ABCD4: variants seen among roughly 807,000 people sequenced by gnomAD.
The protein encoded by ABCD4 is ATP binding cassette subfamily D member 4, also known as lysosomal cobalamin transporter ABCD4.
Under a neutral mutation model 86.3 loss-of-function variants are expected in ABCD4, and 53 were observed. That is an observed-to-expected ratio of 0.61 (90% CI 0.49 to 0.77). The LOEUF is 0.77. ABCD4 is among the 30% of genes least tolerant of loss of function. ABCD4 has a pLI of 0.00. For missense variants in ABCD4, 757 were observed against 764.5 expected, an observed-to-expected ratio of 0.99 and a Z score of 0.12; for synonymous variants, 328 against 313.6, an observed-to-expected ratio of 1.05 and a Z score of -0.49.
chr14:74,292,676 G>C (rs752752998), intron 9 of ABCD4, 34 bp from the exon 10 acceptor site: 1 of 1,613,830 alleles, frequency 6.2e-7, no homozygotes, highest in Admixed American at 1.7e-5. Context: ...AGCAGGTCTC[G>C]ACTCGAGCCC....
rs2082862756 is a variant in ABCD4 at position 74,296,333 on chromosome 14, C to T, written c.542G>A (p.Ser181Asn). Residue 181 changes from serine (S) to asparagine (N), a missense_variant and splice_region_variant, in exon 5 of 19, where the codon AGC becomes AAC. Coordinates refer to ENST00000356924, the MANE Select transcript of ABCD4 (RefSeq NM_005050.4). ...AGGCTGGGGAGGAGGGAGGCTTCACCTTTGGAAGCACTGGTAAGTGTAGTA... is the reference window on the plus strand; with the variant it reads ...AGGCTGGGGAGGAGGGAGGCTTCACTTTTGGAAGCACTGGTAAGTGTAGTA... ...LVYYTYQCFQ[S>N]TGWLGPVSIF... 1 of 1,613,876 alleles carries T rather than the reference C, an allele frequency of 6.2e-7. No homozygotes were observed. Among genetic ancestry groups the T allele is most frequent in the Non-Finnish European group, 8.5e-7 (1 of 1,179,790 alleles).
At chr14:74,302,008 T>C (rs915251795) in intron 1 of ABCD4, among the ~76,000 whole-genome samples, 1 of 147,750 alleles carries the variant, frequency 6.8e-6, no homozygotes, top group African/African-American at 2.5e-5. Context: ...GATGGAGGGA[T>C]ACCGGGAAAC....
In ABCD4 at chr14:74,295,214, G is replaced by A. The variant is rs763392318; in HGVS notation, c.669-16C>T. 6.2e-7 allele frequency: 1 copy of A among 1,614,188 alleles called. No homozygotes were observed. The highest frequency in any genetic ancestry group is 1.7e-5 in the Admixed American group (1 of 60,028). On this transcript the variant is annotated splice_polypyrimidine_tract_variant and intron_variant, in intron 6 of 18. Coordinates refer to ENST00000356924, the MANE Select transcript of ABCD4 (RefSeq NM_005050.4). The stretch of plus-strand genomic sequence containing the variant: ...GTGCTTGAACCTGGGCGGACCAAAG[G>A]GAAATGTGTGCTGACAACAGGGAGT...
Position 74,301,306 on chromosome 14 carries a change from T to TGA in ABCD4, c.39-1039_39-1038insTC, listed in dbSNP as rs1188668584. Among the ~76,000 whole-genome samples the TGA allele has an allele frequency of 7.2e-5, 11 of 151,926 alleles. No individual in the cohort carries two copies. In the East Asian group the frequency reaches 2.1e-3, roughly 30 times the overall value. On this transcript the variant is annotated intron_variant, in intron 1 of 18. Transcript: ENST00000356924. ...TTTTTAGTGGCTGGGAGTACGGGCG[T>TGA]GCGTCAACACGCTCAGCTAATTTTT... is the stretch of plus-strand genomic sequence containing the variant.
chr14:74,295,748 G>A (rs2082682551), intron 6 of ABCD4, 106 bp downstream of exon 6: 1 of 1,476,350 alleles, frequency 6.8e-7, no homozygotes, highest in African/African-American at 1.4e-5. Flanking sequence ...AGATCACACA[G>A]CTAGTAACTG....
chr14:74,301,790 A>G (rs906406510), intron 1 of ABCD4, among the ~76,000 whole-genome samples: 1 of 152,052 alleles, frequency 6.6e-6, no homozygotes, highest in African/African-American at 2.4e-5. Context: ...AATCCCAGCT[A>G]CTCAGGAGGC....
rs1472939862 is a variant in ABCD4 at position 74,296,315 on chromosome 14, G to A, written c.542+18C>T. 1 of 1,609,900 alleles carries A rather than the reference G, an allele frequency of 6.2e-7. No individual in the cohort carries two copies. Among genetic ancestry groups the A allele is most frequent in the South Asian group, 1.1e-5 (1 of 91,012 alleles). On this transcript the variant is annotated intron_variant, in intron 5 of 18. Coordinates refer to ENST00000356924, the MANE Select transcript of ABCD4 (RefSeq NM_005050.4). The stretch of plus-strand genomic sequence containing the variant: ...GCCCTCTGGGGAAACACCAGGCTGG[G>A]GAGGAGGGAGGCTTCACCTTTGGAA...
chr14:74,298,075 C>G lies in ABCD4; in HGVS notation c.286-6G>C, dbSNP rs1303141206. On this transcript the variant is annotated splice_polypyrimidine_tract_variant and splice_region_variant and intron_variant, in intron 3 of 18. Coordinates refer to ENST00000356924, the MANE Select transcript of ABCD4 (RefSeq NM_005050.4). ...AACTGATCAAAGCTCTTCAGCTGTG[C>G]AGTGGGGGAAGCAAGGGGAAGGGAG... 6.2e-7 allele frequency: 1 copy of G among 1,612,854 alleles called. No homozygotes were observed. Among genetic ancestry groups the G allele is most frequent in the South Asian group, 1.1e-5 (1 of 90,752 alleles).
At chr14:74,295,646 A>G (rs1207476085) in intron 6 of ABCD4, 9 of 633,412 alleles carry the variant, frequency 1.4e-5, no homozygotes, top group South Asian at 1.1e-4. Context: ...GTATGATTTC[A>G]TTAATCCTCC....
chr14:74,300,928 C>T (rs1205566356), intron 1 of ABCD4, among the ~76,000 whole-genome samples: 1 of 149,968 alleles, frequency 6.7e-6, no homozygotes, highest in Admixed American at 6.6e-5. Flanking sequence ...TCTCGGATCA[C>T]TGCAACCTCC....
rs1454286137 is a variant in ABCD4 at position 74,285,727 on chromosome 14, C to G, written c.*734G>C. On this transcript the variant is annotated 3_prime_UTR_variant, in exon 19 of 19. Transcript: ENST00000356924. ...AATATAGACTATTTTTTTAGAAAAC[C>G]CAACCTTATTTTGGCTAAGGGGAAA... 2 of 152,024 alleles carry G rather than the reference C, an allele frequency of 1.3e-5. No individual in the cohort carries two copies. Among genetic ancestry groups the G allele is most frequent in the African/African-American group, 4.8e-5 (2 of 41,388 alleles). The allele number at this position is 152,024 out of a possible 1,614,324, so 9.4% of individuals were successfully genotyped here. A position where few individuals can be genotyped will look rare whatever the true frequency, so the allele number is the denominator to read the frequency against.
chr14:74,302,363 AAG>A (rs1189067943), intron 1 of ABCD4, among the ~76,000 whole-genome samples: 2 of 152,220 alleles, frequency 1.3e-5, no homozygotes, highest in African/African-American at 4.8e-5. Context: ...TATTATATTG[AAG>A]AATTCGAAAC....
Position 74,292,775 on chromosome 14 carries a change from G to A in ABCD4, c.909C>T (p.Pro303=), listed in dbSNP as rs17850968. 1.1e-5 allele frequency: 17 copies of A among 1,614,080 alleles called. No homozygotes were observed. The East Asian group carries it at 3.3e-4, about 32-fold the overall frequency. ...IFSGVYGDLS[P]AELSTLVSKN... is the part of the protein sequence containing the mutation. ...TGCTGACCAGGGTGCTAAGCTCTGCGGGACTCAGGTCTCCATAGACCCCGC... is the reference window on the plus strand; with the variant it reads ...TGCTGACCAGGGTGCTAAGCTCTGCAGGACTCAGGTCTCCATAGACCCCGC... Residue 303 remains proline (P), a synonymous_variant, in exon 9 of 19, where the codon CCC becomes CCT. Coordinates refer to ENST00000356924, the MANE Select transcript of ABCD4 (RefSeq NM_005050.4).
At position 74,286,738 on chromosome 14, in the gene ABCD4, G is replaced by A. The variant is rs1401753431; in HGVS notation, c.1715C>T (p.Thr572Met). ...CTGCCGATGTCCCACACTGATGAAC[G>A]TCATCCCCAGCTGCTGGCCGATGCG... ...LYRIGQQLGM[T>M]FISVGHRQSL... Residue 572 changes from threonine (T) to methionine (M), a missense_variant, in exon 18 of 19, where the codon ACG becomes ATG. Thr to Met is a moderately conservative substitution (Grantham distance 81, BLOSUM62 -1). Coordinates refer to ENST00000356924, the MANE Select transcript of ABCD4 (RefSeq NM_005050.4). The A allele has an allele frequency of 1.2e-6, 2 of 1,614,100 alleles. No homozygotes were observed. The highest frequency in any genetic ancestry group is 1.7e-6 in the Non-Finnish European group (2 of 1,180,046).
chr14:74,295,865 C>G lies in ABCD4; in HGVS notation c.657G>C (p.Glu219Asp), dbSNP rs1350736597. The change falls in exon 6 of 19, where the codon GAG becomes GAC. Residue 219 changes from glutamate to aspartate, a missense_variant. Transcript: ENST00000356924. ...VMKLVHQEKL[E>D]GDFRFKHMQI... ...TGAGGGAGACACACCTAAAATCTCCCTCCAGCTTCTCCTGATGCACCAGCT... is the reference window on the plus strand; with the variant it reads ...TGAGGGAGACACACCTAAAATCTCCGTCCAGCTTCTCCTGATGCACCAGCT... 1 of 1,613,594 alleles carries G rather than the reference C, an allele frequency of 6.2e-7. No homozygotes were observed. Among genetic ancestry groups the G allele is most frequent in the Admixed American group, 1.7e-5 (1 of 59,774 alleles).
chr14:74,289,797 C>T (rs1464088341), intron 13 of ABCD4: 3 of 1,436,692 alleles, frequency 2.1e-6, no homozygotes, highest in Admixed American at 2.9e-5. Context: ...TGGTATTTGG[C>T]GTGAGTCCTT....
intron 7 of ABCD4, chr14:74,293,738 ATC>A (rs2139941343): frequency 1.3e-5 from 2 of 152,708 alleles, no homozygotes; most frequent in East Asian, 3.9e-4. Context: ...TGAGAAAATT[ATC>A]TCTGTCTTTG....
At chr14:74,292,214 C>A in intron 11 of ABCD4, 73 bp downstream of exon 11, 1 of 1,461,554 alleles carries the variant, frequency 6.8e-7, no homozygotes, top group Non-Finnish European at 9.6e-7. Context: ...AAGGGCAGGA[C>A]TCCAGGGTAA....
intron 15 of ABCD4, 80 bp from the exon 16 acceptor site, chr14:74,288,339 C>T (rs1363538576): frequency 1.4e-6 from 2 of 1,380,136 alleles, no homozygotes; most frequent in Non-Finnish European, 1.0e-6. Context: ...TCCCTCACTC[C>T]CCAGCATACA....
Sources: allele counts gnomAD v4.1 joint callset (sites outside exome capture counted in the v4.1 genomes callset), GRCh38; gene constraint gnomAD v4.1.1; transcripts MANE v1.5; gene names NCBI Gene and HGNC (gene_info 2026-07-23, HGNC 2026-07-21).